SLIT2: variants seen among roughly 807,000 people sequenced by gnomAD.
SLIT2 encodes the protein slit guidance ligand 2.
A neutral mutation model predicts 185.7 loss-of-function variants in SLIT2; 41 were observed. That is an observed-to-expected ratio of 0.22 (90% CI 0.17 to 0.29). The LOEUF is 0.29. Ranked by LOEUF, SLIT2 falls within the 10% of genes least tolerant of loss-of-function variation. SLIT2 has a pLI of 1.00. For missense variants in SLIT2, 1,571 were observed against 1,909.0 expected (o/e 0.82, Z 3.30); for synonymous variants, 693 against 680.2 (o/e 1.02, Z -0.29).
At chr4:20,346,293 G>C (rs1416878563) in intron 4 of SLIT2, among the ~76,000 whole-genome samples, 1 of 152,124 alleles carries the variant, frequency 6.6e-6, no homozygotes, top group Non-Finnish European at 1.5e-5. Flanking sequence ...ATCACTCCGG[G>C]CCACTCTTGA....
At chr4:20,293,809 G>A (rs1026694534) in intron 4 of SLIT2, among the ~76,000 whole-genome samples, 81 of 152,294 alleles carry the variant, frequency 5.3e-4, no homozygotes, top group African/African-American at 1.9e-3. Flanking sequence ...AAGATTGCCT[G>A]GCCCGTGGAG....
chr4:20,417,965 C>T (rs943503014), intron 4 of SLIT2, among the ~76,000 whole-genome samples: 8 of 152,172 alleles, frequency 5.3e-5, no homozygotes, highest in South Asian at 2.1e-4. Flanking sequence ...AACTATCTTT[C>T]ACCTTGTTAA....
chr4:20,290,618 T>G (rs1056939324), intron 4 of SLIT2, among the ~76,000 whole-genome samples: 1 of 152,210 alleles, frequency 6.6e-6, no homozygotes, highest in African/African-American at 2.4e-5. Context: ...ATGAATACCC[T>G]TTCTTCACTA....
intron 4 of SLIT2, among the ~76,000 whole-genome samples, chr4:20,363,828 A>G (rs543192965): frequency 2.0e-5 from 3 of 152,286 alleles, no homozygotes; most frequent in Admixed American, 2.0e-4. Context: ...GCAACTATTT[A>G]TAAGAGAACG....
chr4:20,272,930 ACT>A (rs1713783116), intron 4 of SLIT2, among the ~76,000 whole-genome samples: 1 of 151,936 alleles, frequency 6.6e-6, no homozygotes, highest in Non-Finnish European at 1.5e-5. Flanking sequence ...AAGGCCAAAG[ACT>A]CTCTTTATGG....
intron 4 of SLIT2, among the ~76,000 whole-genome samples, chr4:20,454,898 A>G (rs1712893542): frequency 6.6e-6 from 1 of 152,110 alleles, no homozygotes; most frequent in Non-Finnish European, 1.5e-5. Flanking sequence ...TTTCAACACC[A>G]TTACATTCTA....
chr4:20,604,099 T>C (rs994079381), intron 33 of SLIT2, among the ~76,000 whole-genome samples: 15 of 152,104 alleles, frequency 9.9e-5, no homozygotes, highest in Non-Finnish European at 2.1e-4. Flanking sequence ...CAGAGTCGGC[T>C]CACGATATTG....
chr4:20,530,981 A>G (rs1235027616), intron 16 of SLIT2, among the ~76,000 whole-genome samples: 1 of 151,976 alleles, frequency 6.6e-6, no homozygotes, highest in African/African-American at 2.4e-5. Flanking sequence ...AAAAACAAAA[A>G]CAAAAAGGGA....
chr4:20,476,425 CAAT>C (rs944879822), intron 5 of SLIT2, among the ~76,000 whole-genome samples: 4 of 151,828 alleles, frequency 2.6e-5, no homozygotes, highest in Admixed American at 2.6e-4. Flanking sequence ...TTCTATCTTA[CAAT>C]AATAATAATA....
rs900385669 is a variant in SLIT2, at chr4:20,402,748, A to T, written c.396-65004A>T. Among the ~76,000 whole-genome samples, 5 of 151,888 alleles carry T rather than the reference A, an allele frequency of 3.3e-5. No individual in the cohort carries two copies. In the Admixed American group the frequency reaches 3.3e-4, roughly 10 times the overall value. ...GGAAAAATAACGGGGTAATAAGGTA[A>T]CATATTTTTTCAATTAAAGCGTGGT... is the stretch of plus-strand genomic sequence containing the variant. On this transcript the variant is annotated intron_variant, in intron 4 of 36. Transcript: ENST00000504154.
intron 29 of SLIT2, among the ~76,000 whole-genome samples, chr4:20,583,644 A>G (rs1012423472): frequency 2.6e-5 from 4 of 151,950 alleles, no homozygotes; most frequent in African/African-American, 9.7e-5. Flanking sequence ...CCTCATCTCT[A>G]CTAAAAGTAC....
chr4:20,268,846 G>A lies in SLIT2; in HGVS notation c.360G>A (p.Glu120=), dbSNP rs1290502231. ...GAAATCACCTTCAGCTGTTTCCTGA[G>A]TTGCTGTTTCTTGGGACTGCGAAGC... The part of the protein sequence containing the change: ...LNRNHLQLFP[E]LLFLGTAKLY... Residue 120 remains glutamate, a synonymous_variant, in exon 4 of 37, where the codon GAG becomes GAA. Transcript: ENST00000504154. 1.2e-6 allele frequency: 2 copies of A among 1,611,372 alleles called. No homozygotes were observed. Among genetic ancestry groups the A allele is most frequent in the South Asian group, 1.1e-5 (1 of 91,018 alleles).
intron 4 of SLIT2, among the ~76,000 whole-genome samples, chr4:20,304,156 G>A (rs928364046): frequency 6.6e-6 from 1 of 152,094 alleles, no homozygotes; most frequent in Non-Finnish European, 1.5e-5. Flanking sequence ...GTCACAAAAA[G>A]TTCCTACCAG....
At position 20,422,211 on chromosome 4, in the gene SLIT2, T is replaced by C. The variant is rs146511563; in HGVS notation, c.396-45541T>C. 2.4e-3 allele frequency among the ~76,000 whole-genome samples: 361 copies of C among 152,328 alleles called. 5 individuals are homozygous for C. Among genetic ancestry groups the C allele is most frequent in the Admixed American group, 5.8e-3 (89 of 15,296 alleles). Reference sequence around the variant, plus strand: ...TCAATGTGAATTATAGATAGTATGCTATGAAAACAAAAATATTTTCTAATC... The same window carrying C: ...TCAATGTGAATTATAGATAGTATGCCATGAAAACAAAAATATTTTCTAATC... On this transcript the variant is annotated intron_variant, in intron 4 of 36. Transcript: ENST00000504154.
chr4:20,537,801 C>T (rs536942131), intron 18 of SLIT2, among the ~76,000 whole-genome samples: 2 of 152,268 alleles, frequency 1.3e-5, no homozygotes, highest in East Asian at 1.9e-4. Context: ...TTCCATTCCC[C>T]CTAGGCTTCT....
intron 4 of SLIT2, among the ~76,000 whole-genome samples, chr4:20,434,807 G>A (rs994651450): frequency 6.6e-6 from 1 of 152,164 alleles, no homozygotes; most frequent in African/African-American, 2.4e-5. Flanking sequence ...AATGTGATAA[G>A]GCCTGACCAA....
intron 4 of SLIT2, among the ~76,000 whole-genome samples, chr4:20,440,621 T>A (rs1365192249): frequency 9.9e-5 from 15 of 152,256 alleles, no homozygotes; most frequent in Non-Finnish European, 1.5e-5. Flanking sequence ...TAATCTCATC[T>A]GTTTAATGAC....
In SLIT2 at chr4:20,555,775, G is replaced by A. The variant is rs74340016; in HGVS notation, c.2725+1807G>A. Among the ~76,000 whole-genome samples the A allele has an allele frequency of 1.8e-3, 274 of 151,908 alleles. 1 individual carries two copies. Among genetic ancestry groups the A allele is most frequent in the Middle Eastern group, 6.8e-3 (2 of 294 alleles). On this transcript the variant is annotated intron_variant, in intron 26 of 36. Coordinates refer to ENST00000504154, the MANE Select transcript of SLIT2 (RefSeq NM_004787.4). ...AACTCATCTGAGATTTTTTTTAAATGTATCTGGTGGAATCTAAATATCAGA... is the reference window on the plus strand; with the variant it reads ...AACTCATCTGAGATTTTTTTTAAATATATCTGGTGGAATCTAAATATCAGA...
intron 4 of SLIT2, among the ~76,000 whole-genome samples, chr4:20,381,519 A>G (rs906836856): frequency 3.9e-5 from 6 of 151,910 alleles, no homozygotes; most frequent in African/African-American, 1.2e-4. Context: ...CCCTTTTTTC[A>G]TGTCTTCTCT....
Sources: allele counts gnomAD v4.1 joint callset (sites outside exome capture counted in the v4.1 genomes callset), GRCh38; gene constraint gnomAD v4.1.1; transcripts MANE v1.5; gene names NCBI Gene and HGNC (gene_info 2026-07-23, HGNC 2026-07-21).